The following MAP3K20 variants were observed in gnomAD, a reference collection of about 807,000 sequenced individuals.
MAP3K20 encodes HCCS-4.
A neutral mutation model predicts 85.7 loss-of-function variants in MAP3K20; 40 were observed. That is an observed-to-expected ratio of 0.47 (90% CI 0.36 to 0.61). The LOEUF is 0.61. Among genes scored for constraint, MAP3K20 ranks in the 20% least tolerant of loss-of-function variants. MAP3K20 has a pLI of 0.00. For synonymous variants in MAP3K20, 325 were observed against 327.7 expected (o/e 0.99, Z 0.09); for missense variants, 817 against 961.7 (o/e 0.85, Z 1.99).
At chr2:173,120,397 C>G (rs1278355509) in intron 2 of MAP3K20, among the ~76,000 whole-genome samples, 1 of 151,988 alleles carries the variant, frequency 6.6e-6, no homozygotes, top group Admixed American at 6.6e-5. Flanking sequence ...GGGTTTCAGA[C>G]ATAGACCTCC....
At position 173,121,630 on chromosome 2, in the gene MAP3K20, G is replaced by A. The variant is rs374978001; in HGVS notation, c.159+30440G>A. On this transcript the variant is annotated intron_variant, in intron 2 of 19. Coordinates refer to ENST00000375213, the MANE Select transcript of MAP3K20 (RefSeq NM_016653.3). ...TCTCAATCTCCTGACCTCGTGATCCGCCCGCCTTGGCCTCCCAAAGTGCTG... is the reference window on the plus strand; with the variant it reads ...TCTCAATCTCCTGACCTCGTGATCCACCCGCCTTGGCCTCCCAAAGTGCTG... Among the ~76,000 whole-genome samples, 86 of 151,870 alleles carry A rather than the reference G, an allele frequency of 5.7e-4. 1 individual carries two copies. The South Asian group carries it at 9.6e-3, about 17-fold the overall frequency.
intron 1 of MAP3K20, among the ~76,000 whole-genome samples, chr2:173,082,475 C>T (rs1687038371): frequency 6.6e-6 from 1 of 152,188 alleles, no homozygotes; most frequent in Non-Finnish European, 1.5e-5. Context: ...CAAAGTTGTA[C>T]CTGTCTGTCA....
At chr2:173,125,039 A>C (rs752431272) in intron 2 of MAP3K20, among the ~76,000 whole-genome samples, 3 of 152,182 alleles carry the variant, frequency 2.0e-5, no homozygotes, top group Admixed American at 6.5e-5. Flanking sequence ...CAAAAGAGAG[A>C]TGTTTTTACA....
chr2:173,263,033 C>G (rs1416317861), intron 18 of MAP3K20, among the ~76,000 whole-genome samples: 1 of 152,142 alleles, frequency 6.6e-6, no homozygotes, highest in Non-Finnish European at 1.5e-5. Flanking sequence ...CTGGGTTTTT[C>G]ACTTCAGAGT....
intron 1 of MAP3K20, among the ~76,000 whole-genome samples, chr2:173,076,313 G>C (rs1232034375): frequency 6.6e-6 from 1 of 152,076 alleles, no homozygotes; most frequent in Non-Finnish European, 1.5e-5. Flanking sequence ...GGCGCCTGGA[G>C]GCGCGGGCGC....
chr2:173,248,645 G>A (rs970283099), intron 16 of MAP3K20, among the ~76,000 whole-genome samples: 4 of 152,170 alleles, frequency 2.6e-5, no homozygotes, highest in Non-Finnish European at 5.9e-5. Context: ...AAGCTAGCAT[G>A]CCAGGAAGTG....
intron 2 of MAP3K20, among the ~76,000 whole-genome samples, chr2:173,110,072 A>G (rs1687898652): frequency 1.3e-5 from 2 of 150,600 alleles, no homozygotes; most frequent in Admixed American, 1.3e-4. Context: ...TCCTTTTAAG[A>G]TATTATTAAG....
At chr2:173,154,659 CTTTTT>C (rs1431257930) in intron 2 of MAP3K20, among the ~76,000 whole-genome samples, 1 of 152,050 alleles carries the variant, frequency 6.6e-6, no homozygotes, top group Admixed American at 6.5e-5. Context: ...GAGTTTATTT[CTTTTT>C]ATTTGACTTC....
intron 16 of MAP3K20, among the ~76,000 whole-genome samples, chr2:173,243,077 G>A (rs1197336398): frequency 6.6e-6 from 1 of 152,168 alleles, no homozygotes; most frequent in African/African-American, 2.4e-5. Flanking sequence ...CTCTAAGGTA[G>A]ATGCTAGATT....
chr2:173,245,462 C>T (rs1280161576), intron 16 of MAP3K20, among the ~76,000 whole-genome samples: 1 of 152,126 alleles, frequency 6.6e-6, no homozygotes, highest in African/African-American at 2.4e-5. Context: ...GGCTCCAGCC[C>T]CATTGATGCT....
At chr2:173,086,605 A>G (rs1265270110) in intron 1 of MAP3K20, among the ~76,000 whole-genome samples, 4 of 152,236 alleles carry the variant, frequency 2.6e-5, no homozygotes, top group Admixed American at 2.6e-4. Flanking sequence ...GGCATGGTGT[A>G]TCACAAAATA....
intron 2 of MAP3K20, among the ~76,000 whole-genome samples, chr2:173,135,744 T>C (rs1231280312): frequency 6.6e-6 from 1 of 152,222 alleles, no homozygotes; most frequent in Non-Finnish European, 1.5e-5. Flanking sequence ...ATTGTAAATG[T>C]CAAATATAAT....
At chr2:173,262,804 G>A (rs944302276) in intron 18 of MAP3K20, among the ~76,000 whole-genome samples, 1 of 152,060 alleles carries the variant, frequency 6.6e-6, no homozygotes. Flanking sequence ...GAGGCTGGTT[G>A]GTCTTGAGGA....
chr2:173,246,991 C>A (rs776748803), intron 16 of MAP3K20, among the ~76,000 whole-genome samples: 27 of 152,140 alleles, frequency 1.8e-4, no homozygotes, highest in Non-Finnish European at 5.9e-5. Context: ...ATGAGAGGAA[C>A]CTTTGGAAGA....
chr2:173,216,034 C>G (rs1176481145), intron 10 of MAP3K20, among the ~76,000 whole-genome samples: 1 of 152,204 alleles, frequency 6.6e-6, no homozygotes, highest in African/African-American at 2.4e-5. Flanking sequence ...TCTTCTGCAT[C>G]CTTCTCTCCA....
intron 2 of MAP3K20, among the ~76,000 whole-genome samples, chr2:173,118,501 T>G (rs1204558762): frequency 1.3e-5 from 2 of 152,194 alleles, no homozygotes; most frequent in Non-Finnish European, 2.9e-5. Flanking sequence ...CATCTAATTT[T>G]GATGCCTGAG....
chr2:173,241,224 A>C (rs1190767972), intron 16 of MAP3K20, among the ~76,000 whole-genome samples: 2 of 152,244 alleles, frequency 1.3e-5, no homozygotes, highest in African/African-American at 4.8e-5. Context: ...AATAATTAAA[A>C]GAGTGGAACT....
At chr2:173,166,915 T>TTG (rs1553573865) in intron 2 of MAP3K20, 48 of 140,814 alleles carry the variant, frequency 3.4e-4, no homozygotes, top group African/African-American at 1.2e-3. Context: ...TTTCTGTTTT[T>TTG]TTTTTTTTTT....
chr2:173,130,817 CT>C (rs1257063923), intron 2 of MAP3K20, among the ~76,000 whole-genome samples: 1 of 152,152 alleles, frequency 6.6e-6, no homozygotes, highest in African/African-American at 2.4e-5. Context: ...GGAATTCTTG[CT>C]GATGATTGTT....
Sources: gnomAD v4.1 joint callset for allele counts (sites outside exome capture counted in the v4.1 genomes callset) on GRCh38, gnomAD v4.1.1 for gene constraint, MANE v1.5 for transcripts, NCBI Gene and HGNC (gene_info 2026-07-23, HGNC 2026-07-21) for gene names.